Variants in RPS6KA2 observed in about 807,000 individuals in gnomAD.
RPS6KA2 encodes ribosomal protein S6 kinase A2.
A neutral mutation model predicts 91.8 loss-of-function variants in RPS6KA2; 42 were observed. The observed-to-expected ratio is 0.46, with a 90% CI of 0.36 to 0.59. RPS6KA2 has a LOEUF of 0.59. Ranked by LOEUF, RPS6KA2 falls within the 20% of genes least tolerant of loss-of-function variation. The pLI, the probability that RPS6KA2 is intolerant of heterozygous loss-of-function variation, is 0.00. For synonymous variants in RPS6KA2, 414 were observed against 393.6 expected (o/e 1.05, Z -0.61); for missense variants, 798 against 978.5 (o/e 0.82, Z 2.46).
At chr6:166,794,797 T>A (rs181212202) in intron 2 of RPS6KA2, among the ~76,000 whole-genome samples, 136 of 144,992 alleles carry the variant, frequency 9.4e-4, no homozygotes, top group African/African-American at 3.3e-3. Context: ...TAGGTAGGAA[T>A]TGAACAATGA....
chr6:166,848,420 G>C (rs1405244586), intron 2 of RPS6KA2, among the ~76,000 whole-genome samples: 1 of 152,162 alleles, frequency 6.6e-6, no homozygotes, highest in African/African-American at 2.4e-5. Context: ...TACCTACCCA[G>C]AGGAAAAGTC....
At chr6:166,491,348 G>A (rs1053059468) in intron 8 of RPS6KA2, among the ~76,000 whole-genome samples, 11 of 152,192 alleles carry the variant, frequency 7.2e-5, no homozygotes, top group African/African-American at 2.7e-4. Flanking sequence ...AGGGGATGGA[G>A]CACAGCCTTG....
At chr6:166,862,093 C>A in intron 1 of RPS6KA2, 1 of 1,614,184 alleles carries the variant, frequency 6.2e-7, no homozygotes, top group Non-Finnish European at 8.5e-7. Flanking sequence ...AAAGTGCGTT[C>A]TCTCCTGCAC....
At chr6:166,514,575 AG>A (rs1299657220) in intron 3 of RPS6KA2, among the ~76,000 whole-genome samples, 2 of 152,204 alleles carry the variant, frequency 1.3e-5, no homozygotes, top group Non-Finnish European at 2.9e-5. Flanking sequence ...CACACTGATG[AG>A]GCCTGCGGGC....
intron 2 of RPS6KA2, among the ~76,000 whole-genome samples, chr6:166,643,239 A>T (rs1237067314): frequency 6.6e-6 from 1 of 152,250 alleles, no homozygotes; most frequent in Non-Finnish European, 1.5e-5. Flanking sequence ...GAAATAAATC[A>T]AAATATGTAA....
At chr6:166,414,730 C>T (rs918547965) in intron 19 of RPS6KA2, among the ~76,000 whole-genome samples, 3 of 152,210 alleles carry the variant, frequency 2.0e-5, no homozygotes, top group Non-Finnish European at 4.4e-5. Context: ...GCCTACCCTC[C>T]TTCCTTAGTG....
intron 1 of RPS6KA2, among the ~76,000 whole-genome samples, chr6:166,579,603 A>G (rs1179458315): frequency 1.3e-5 from 2 of 152,248 alleles, no homozygotes; most frequent in African/African-American, 4.8e-5. Context: ...ATCCTACGTC[A>G]CCATGAAACT....
chr6:166,630,375 C>T (rs117366639), upstream of RPS6KA2, among the ~76,000 whole-genome samples: 891 of 152,404 alleles, frequency 5.8e-3, 6 homozygotes, highest in Middle Eastern at 0.01. Context: ...AAGTTTCAAG[C>T]TTCTAAAACT....
rs771162151 is a variant in RPS6KA2 at position 166,430,474 on chromosome 6, C to T, written c.1560G>A (p.Met520Ile). 4 of 1,613,290 alleles carry T rather than the reference C, an allele frequency of 2.5e-6. No individual in the cohort carries two copies. The highest frequency in any genetic ancestry group is 1.3e-5 in the African/African-American group (1 of 74,898). The change falls in exon 16 of 21, where the codon ATG becomes ATA. Residue 520 changes from methionine (M) to isoleucine (I), a missense_variant. Coordinates refer to ENST00000265678, the MANE Select transcript of RPS6KA2 (RefSeq NM_021135.6). Reference protein sequence around the residue: ...SDVLCTITKTMDYLHSQGVVH... With the variant: ...SDVLCTITKTIDYLHSQGVVH... Reference sequence around the variant, plus strand: ...CTACCCCCTGGGAATGGAGGTAGTCCATGGTCTTGGTGATGGTGCACAGGA... The same window carrying T: ...CTACCCCCTGGGAATGGAGGTAGTCTATGGTCTTGGTGATGGTGCACAGGA...
At chr6:166,835,321 T>C (rs1158023760) in intron 2 of RPS6KA2, among the ~76,000 whole-genome samples, 1 of 152,240 alleles carries the variant, frequency 6.6e-6, no homozygotes, top group Non-Finnish European at 1.5e-5. Context: ...GTTTGCCAAA[T>C]TCTGTGGAGA....
chr6:166,538,604 G>A, intron 2 of RPS6KA2, 64 bp downstream of exon 2: 2 of 899,898 alleles, frequency 2.2e-6, no homozygotes, highest in East Asian at 2.5e-5. Flanking sequence ...ATCCAGGGGG[G>A]CTCTGTCCAG....
At chr6:166,740,134 G>A (rs892386881) in intron 2 of RPS6KA2, among the ~76,000 whole-genome samples, 3 of 152,170 alleles carry the variant, frequency 2.0e-5, no homozygotes, top group Admixed American at 6.5e-5. Context: ...TAGAAGACAG[G>A]ATGTGGACTG....
intron 1 of RPS6KA2, among the ~76,000 whole-genome samples, chr6:166,545,122 T>A (rs1413245499): frequency 2.0e-5 from 3 of 152,166 alleles, no homozygotes; most frequent in Non-Finnish European, 4.4e-5. Flanking sequence ...TGTGAGCCTA[T>A]CTACTTGATA....
intron 14 of RPS6KA2, among the ~76,000 whole-genome samples, chr6:166,440,724 C>A (rs753246247): frequency 1.3e-5 from 2 of 152,216 alleles, no homozygotes; most frequent in African/African-American, 4.8e-5. Flanking sequence ...AATGCCACTA[C>A]TAAAAACAGA....
At chr6:166,699,960 T>G (rs577287822) in intron 2 of RPS6KA2, among the ~76,000 whole-genome samples, 1 of 152,256 alleles carries the variant, frequency 6.6e-6, no homozygotes, top group Admixed American at 6.5e-5. Flanking sequence ...CTTTAAACAC[T>G]GTCACACCAT....
chr6:166,683,408 A>G (rs770580311), intron 2 of RPS6KA2, among the ~76,000 whole-genome samples: 7 of 152,224 alleles, frequency 4.6e-5, no homozygotes, highest in Admixed American at 2.0e-4. Flanking sequence ...CCCCATGATC[A>G]ATTATAATCT....
intron 2 of RPS6KA2, among the ~76,000 whole-genome samples, chr6:166,633,947 C>T (rs939439376): frequency 1.1e-4 from 17 of 152,218 alleles, no homozygotes; most frequent in East Asian, 9.6e-4. Flanking sequence ...GACACGGGGA[C>T]GGTTTTTCAA....
chr6:166,772,065 CA>C (rs1435583295), intron 2 of RPS6KA2, among the ~76,000 whole-genome samples: 34 of 152,330 alleles, frequency 2.2e-4, no homozygotes, highest in African/African-American at 7.7e-4. Context: ...GGCAAGAATA[CA>C]GTTGCTAATG....
rs571502942 is a variant in RPS6KA2, at chr6:166,550,325, TG to T, written c.100-11542del. Among the ~76,000 whole-genome samples, 6 of 152,102 alleles carry T rather than the reference TG, an allele frequency of 3.9e-5. No homozygotes were observed. The South Asian group carries it at 1.2e-3, about 32-fold the overall frequency. ...AATGGAAAGTTCAGGCAAAATTAACTGTGAGTTTTCAAAAGCAAATAAGATC... is the reference window on the plus strand; with the variant it reads ...AATGGAAAGTTCAGGCAAAATTAACTTGAGTTTTCAAAAGCAAATAAGATC... On this transcript the variant is annotated intron_variant, in intron 1 of 20. Coordinates refer to ENST00000265678, the MANE Select transcript of RPS6KA2 (RefSeq NM_021135.6).
Sources: gnomAD v4.1 joint callset for allele counts (sites outside exome capture counted in the v4.1 genomes callset) on GRCh38, gnomAD v4.1.1 for gene constraint, MANE v1.5 for transcripts, NCBI Gene and HGNC (gene_info 2026-07-23, HGNC 2026-07-21) for gene names.